The following IRF8 variants were observed in gnomAD, a reference collection of about 807,000 sequenced individuals.
IRF8 encodes interferon regulatory factor 8, also known as interferon consensus sequence binding protein 1.
Under a neutral mutation model 48.7 loss-of-function variants are expected in IRF8, and 14 were observed. That is an observed-to-expected ratio of 0.29 (90% CI 0.19 to 0.45). The LOEUF (loss-of-function observed/expected upper bound fraction) is 0.45. IRF8 is among the 20% of genes least tolerant of loss of function. IRF8 has a pLI of 1.00. For synonymous variants in IRF8, 278 were observed against 227.3 expected (o/e 1.22, Z -2.01); for missense variants, 493 against 580.7 (o/e 0.85, Z 1.55).
intron 1 of IRF8, among the ~76,000 whole-genome samples, chr16:85,899,700 C>T (rs1904765095): frequency 6.6e-6 from 1 of 152,158 alleles, no homozygotes; most frequent in Non-Finnish European, 1.5e-5. Context: ...TGTTTAATGA[C>T]AGTCAATTAA....
chr16:85,908,649 G>C (rs537428248), intron 2 of IRF8, among the ~76,000 whole-genome samples: 3 of 152,210 alleles, frequency 2.0e-5, no homozygotes, highest in African/African-American at 7.2e-5. Context: ...TCTTTGTGCT[G>C]TGTAAACCTC....
At chr16:85,902,943 G>A in intron 1 of IRF8, 72 bp from the exon 2 acceptor site, 2 of 1,539,494 alleles carry the variant, frequency 1.3e-6, no homozygotes, top group Non-Finnish European at 1.8e-6. Context: ...TTTCCTGTTA[G>A]CAGTTTTTGG....
Position 85,911,600 on chromosome 16 carries a change from T to C in IRF8, c.389T>C (p.Val130Ala). ...CTAGGCGTGGCAACTGCTGGCTGCGTGAATGAAGTTACAGAGATGGAGTGC... is the reference window on the plus strand; with the variant it reads ...CTAGGCGTGGCAACTGCTGGCTGCGCGAATGAAGTTACAGAGATGGAGTGC... ...CKLGVATAGC[V>A]NEVTEMECGR... is the part of the protein sequence containing the mutation. The change falls in exon 4 of 9, where the codon GTG becomes GCG. Residue 130 changes from valine (V) to alanine (A), a missense_variant. Physicochemically the swap from Val to Ala is moderately conservative, Grantham distance 64. Around this residue, in one of 3 missense-constraint regions of IRF8, gnomAD observed 408 missense variants for 449.6 expected, o/e 0.91. Coordinates refer to ENST00000268638, the MANE Select transcript of IRF8 (RefSeq NM_002163.4). 1 of 1,614,122 alleles carries C rather than the reference T, an allele frequency of 6.2e-7. No individual in the cohort carries two copies. Among genetic ancestry groups the C allele is most frequent in the African/African-American group, 1.3e-5 (1 of 75,060 alleles).
chr16:85,903,742 G>A (rs1437949522), intron 2 of IRF8, among the ~76,000 whole-genome samples: 2 of 152,174 alleles, frequency 1.3e-5, no homozygotes, highest in African/African-American at 4.8e-5. Flanking sequence ...GTGGAGAGAC[G>A]TGATGGAGGG....
At chr16:85,904,804 T>C (rs1056148061) in intron 2 of IRF8, among the ~76,000 whole-genome samples, 7 of 145,960 alleles carry the variant, frequency 4.8e-5, no homozygotes, top group African/African-American at 7.9e-5. Context: ...TCTTGTTTGA[T>C]TGCAGATCTT....
rs758155070 is a variant in IRF8, at chr16:85,921,108, T to C, written c.1107T>C (p.Ile369=). Residue 369 remains isoleucine (I), a splice_region_variant and synonymous_variant, in exon 9 of 9, where the codon ATT becomes ATC. Coordinates refer to ENST00000268638, the MANE Select transcript of IRF8 (RefSeq NM_002163.4). ...PLRSKLILVQ[I]EQLYVRQLAE... is the part of the protein sequence containing the mutation. Reference sequence around the variant, plus strand: ...GACTTTCTGCACCTCCCATCTAGATTGAGCAGCTGTATGTCCGGCAACTGG... The same window carrying C: ...GACTTTCTGCACCTCCCATCTAGATCGAGCAGCTGTATGTCCGGCAACTGG... The C allele has an allele frequency of 1.2e-6, 2 of 1,612,648 alleles. 1 individual carries two copies. The highest frequency in any genetic ancestry group is 2.2e-5 in the South Asian group (2 of 90,944).
chr16:85,921,416 G>A lies in IRF8; in HGVS notation c.*134G>A. 2 of 940,602 alleles carry A rather than the reference G, an allele frequency of 2.1e-6. No homozygotes were observed. The highest frequency in any genetic ancestry group is 3.4e-6 in the Non-Finnish European group (2 of 591,968). The allele number at this position is 940,602 out of a possible 1,614,324, so 58.3% of individuals were successfully genotyped here. On this transcript the variant is annotated 3_prime_UTR_variant, in exon 9 of 9. Coordinates refer to ENST00000268638, the MANE Select transcript of IRF8 (RefSeq NM_002163.4). ...CCTTACTTTGCACTTAATTTAATAA[G>A]GGCATTCTCGGAGGAGTAGACGTTT...
rs1467420993 is a variant in IRF8, at chr16:85,903,126, G to A, written c.111G>A (p.Arg37=). ...IWENEEKSMF[R]IPWKHAGKQD... is the part of the protein sequence containing the mutation. ...AGAATGAGGAGAAGAGCATGTTCCG[G>A]ATCCCTTGGAAACACGCTGGCAAGC... Residue 37 remains arginine (R), a synonymous_variant, in exon 2 of 9, where the codon CGG becomes CGA. Coordinates refer to ENST00000268638, the MANE Select transcript of IRF8 (RefSeq NM_002163.4). The A allele has an allele frequency of 1.2e-6, 2 of 1,614,164 alleles. No homozygotes were observed. Among genetic ancestry groups the A allele is most frequent in the Admixed American group, 3.3e-5 (2 of 60,020 alleles).
rs144211884 is a variant in IRF8, at chr16:85,906,857, C to T, written c.175-2133C>T. Among the ~76,000 whole-genome samples the T allele has an allele frequency of 3.9e-3, 595 of 151,996 alleles. 3 individuals are homozygous for T. The highest frequency in any genetic ancestry group is 0.014 in the African/African-American group (561 of 41,428). On this transcript the variant is annotated intron_variant, in intron 2 of 8. Transcript: ENST00000268638. Reference sequence around the variant, plus strand: ...TCTGGTGGGTCAAGGCTAGGGATGCCGCTGAATATTCTACAATCCACAGGA... The same window carrying T: ...TCTGGTGGGTCAAGGCTAGGGATGCTGCTGAATATTCTACAATCCACAGGA...
rs538085034 is a variant in IRF8, at chr16:85,904,957, C to T, written c.174+1768C>T. On this transcript the variant is annotated intron_variant, in intron 2 of 8. Transcript: ENST00000268638. The stretch of plus-strand genomic sequence containing the variant: ...CCCAAAAGCCGGAATTTCTCTGCCT[C>T]GCCACTGTTGATGTCTGGGTCTGGG... Among the ~76,000 whole-genome samples, 14 of 152,068 alleles carry T rather than the reference C, an allele frequency of 9.2e-5. No individual in the cohort carries two copies. In the East Asian group the frequency reaches 2.3e-3, roughly 25 times the overall value.
At position 85,922,337 on chromosome 16, in the gene IRF8, C is replaced by T. The variant is rs867117785; in HGVS notation, c.*1055C>T. Reference sequence around the variant, plus strand: ...GAGGGGACAGTCAGACCCAGAGGTCCTTTACGTGTGGATGGAGTTCACAGG... The same window carrying T: ...GAGGGGACAGTCAGACCCAGAGGTCTTTTACGTGTGGATGGAGTTCACAGG... On this transcript the variant is annotated 3_prime_UTR_variant, in exon 9 of 9. Transcript: ENST00000268638. 2 of 152,320 alleles carry T rather than the reference C, an allele frequency of 1.3e-5. No homozygotes were observed. Among genetic ancestry groups the T allele is most frequent in the African/African-American group, 4.8e-5 (2 of 41,438 alleles). The allele number at this position is 152,320 out of a possible 1,614,324, so 9.4% of individuals were successfully genotyped here.
chr16:85,903,499 A>T, intron 2 of IRF8: 1 of 386,854 alleles, frequency 2.6e-6, no homozygotes, highest in South Asian at 2.3e-5. Flanking sequence ...CGAGACCTTC[A>T]CGCTAAGACC....
intron 7 of IRF8, among the ~76,000 whole-genome samples, chr16:85,919,504 G>A (rs59370928): frequency 0.015 from 2,281 of 152,292 alleles, 61 homozygotes; most frequent in African/African-American, 0.052. Context: ...TGTGAGCTCA[G>A]GGGCATAAGC....
chr16:85,912,368 T>C (rs1477369887), intron 4 of IRF8, among the ~76,000 whole-genome samples: 1 of 152,182 alleles, frequency 6.6e-6, no homozygotes, highest in African/African-American at 2.4e-5. Context: ...TTGCAAAAGG[T>C]TGTGTGTGAG....
chr16:85,908,808 C>T (rs957027423), intron 2 of IRF8, among the ~76,000 whole-genome samples, 182 bp from the exon 3 acceptor site: 17 of 152,070 alleles, frequency 1.1e-4, no homozygotes, highest in Non-Finnish European at 2.1e-4. Context: ...ACATCTGGTC[C>T]CCAGATGTGA....
intron 6 of IRF8, among the ~76,000 whole-genome samples, chr16:85,915,700 G>T (rs1905281902): frequency 6.6e-6 from 1 of 152,244 alleles, no homozygotes; most frequent in Admixed American, 6.5e-5. Context: ...ATGAGGCTAA[G>T]CCTCCGGGCT....
At chr16:85,900,926 A>G (rs1904807125) in intron 1 of IRF8, 1 of 152,210 alleles carries the variant, frequency 6.6e-6, no homozygotes, top group Non-Finnish European at 1.5e-5. Flanking sequence ...TTTTGGTTGC[A>G]GGAGGCTCAG....
intron 4 of IRF8, among the ~76,000 whole-genome samples, chr16:85,912,655 A>G (rs1567473954): frequency 6.6e-6 from 1 of 152,258 alleles, no homozygotes; most frequent in East Asian, 1.9e-4. Context: ...GGTCACAAGA[A>G]AAGCAATTTC....
At chr16:85,906,388 A>G (rs1228715038) in intron 2 of IRF8, among the ~76,000 whole-genome samples, 3 of 152,200 alleles carry the variant, frequency 2.0e-5, no homozygotes, top group Non-Finnish European at 4.4e-5. Context: ...TTTTTGCTCT[A>G]GCTCAAGAAG....
Sources: gnomAD v4.1 joint callset for allele counts (sites outside exome capture counted in the v4.1 genomes callset) on GRCh38, gnomAD v4.1.1 for gene constraint, gnomAD v4.1.1 regional missense constraint, MANE v1.5 for transcripts, NCBI Gene and HGNC (gene_info 2026-07-23, HGNC 2026-07-21) for gene names.